The following SCLT1 variants were observed in gnomAD, a reference collection of about 807,000 sequenced individuals.
The protein encoded by SCLT1 is sodium channel and clathrin linker 1.
A neutral mutation model predicts 112.8 loss-of-function variants in SCLT1; 78 were observed. That is an observed-to-expected ratio of 0.69 (90% CI 0.58 to 0.83). SCLT1 has a LOEUF of 0.83. Among genes scored for constraint, SCLT1 ranks in the 40% least tolerant of loss-of-function variants. SCLT1 has a pLI of 0.00. For synonymous variants in SCLT1, 257 were observed against 254.7 expected (o/e 1.01, Z -0.09); for missense variants, 747 against 770.4 (o/e 0.97, Z 0.36).
At chr4:129,001,581 G>C (rs1207194847) in intron 6 of SCLT1, among the ~76,000 whole-genome samples, 1 of 151,760 alleles carries the variant, frequency 6.6e-6, no homozygotes, top group Non-Finnish European at 1.5e-5. Flanking sequence ...AATCTATGTG[G>C]TGTCATCATC....
chr4:128,998,594 A>G (rs777339124), intron 7 of SCLT1, among the ~76,000 whole-genome samples: 2 of 151,870 alleles, frequency 1.3e-5, no homozygotes, highest in Non-Finnish European at 3.0e-5. Context: ...GGTGAAAACA[A>G]AACAAAAACC....
intron 5 of SCLT1, among the ~76,000 whole-genome samples, chr4:129,015,759 A>G (rs1268777545): frequency 2.0e-5 from 3 of 151,848 alleles, no homozygotes; most frequent in African/African-American, 7.3e-5. Flanking sequence ...CAACTCACCC[A>G]TTCCCCCGGA....
At chr4:129,092,628 A>G (rs1355260483) in intron 1 of SCLT1, among the ~76,000 whole-genome samples, 1 of 152,176 alleles carries the variant, frequency 6.6e-6, no homozygotes, top group Non-Finnish European at 1.5e-5. Flanking sequence ...TCCCTCCCCA[A>G]ATTAAATTCT....
At chr4:129,086,602 A>ATTG (rs1752416469) in intron 1 of SCLT1, among the ~76,000 whole-genome samples, 19 of 152,264 alleles carry the variant, frequency 1.2e-4, no homozygotes, top group Admixed American at 1.0e-3. Context: ...ATTTGGTATG[A>ATTG]GAACTGTAAA....
At chr4:128,944,121 T>C (rs1737942843) in intron 16 of SCLT1, among the ~76,000 whole-genome samples, 1 of 152,132 alleles carries the variant, frequency 6.6e-6, no homozygotes, top group African/African-American at 2.4e-5. Context: ...TCTCTACCTC[T>C]GCCTTTCTAG....
chr4:129,037,186 C>T (rs1747256947), intron 5 of SCLT1: 2 of 151,808 alleles, frequency 1.3e-5, no homozygotes, highest in African/African-American at 4.8e-5. Context: ...TTCTGTTCAT[C>T]AAACACACCA....
At chr4:128,954,129 T>C (rs957476794) in intron 13 of SCLT1, among the ~76,000 whole-genome samples, 3 of 152,066 alleles carry the variant, frequency 2.0e-5, no homozygotes, top group African/African-American at 7.2e-5. Context: ...GCCAATAGTA[T>C]ATCATCAGTA....
chr4:129,091,085 G>C (rs937230494), intron 1 of SCLT1, among the ~76,000 whole-genome samples: 1 of 152,152 alleles, frequency 6.6e-6, no homozygotes, highest in African/African-American at 2.4e-5. Flanking sequence ...CAGGTGGAAA[G>C]AAGGCAAGTG....
intron 5 of SCLT1, chr4:129,037,494 C>A (rs954431592): frequency 6.6e-6 from 1 of 152,106 alleles, no homozygotes; most frequent in Non-Finnish European, 1.5e-5. Context: ...TAGTCAATAT[C>A]CTATGACCCT....
chr4:129,080,386 A>C (rs1488326644), intron 2 of SCLT1, among the ~76,000 whole-genome samples: 1 of 152,222 alleles, frequency 6.6e-6, no homozygotes, highest in African/African-American at 2.4e-5. Context: ...GCCAGGCTAC[A>C]TCTTGAGTGC....
In SCLT1 at chr4:128,999,722, C is replaced by T. The variant is rs751372820; in HGVS notation, c.499G>A (p.Glu167Lys). ...TGAATCTGGGCCTCAGTCATATGTT[C>T]CTGGTAAAGCTTGTGTAGTCTGTCC... ...ELDRLHKLYQEHMTEAQIHVF... is the reference protein window; with the variant it reads ...ELDRLHKLYQKHMTEAQIHVF... The change falls in exon 7 of 21, where the codon GAA becomes AAA. Residue 167 changes from glutamate to lysine, a missense_variant. This residue lies in a region of SCLT1 where 723 missense variants were observed against 721.3 expected (regional missense o/e 1.00). Transcript: ENST00000281142. The T allele has an allele frequency of 4.4e-6, 7 of 1,607,562 alleles. No individual in the cohort carries two copies. The East Asian group carries it at 1.6e-4, about 36-fold the overall frequency.
At chr4:129,035,506 T>C (rs1747101343) in intron 5 of SCLT1, among the ~76,000 whole-genome samples, 1 of 151,964 alleles carries the variant, frequency 6.6e-6, no homozygotes, top group African/African-American at 2.4e-5. Flanking sequence ...ACATTGCCAC[T>C]GGAACAAAAT....
chr4:129,059,968 G>C (rs1490683314), intron 2 of SCLT1, among the ~76,000 whole-genome samples: 2 of 152,024 alleles, frequency 1.3e-5, no homozygotes, highest in East Asian at 3.9e-4. Context: ...TCTCCTTCTG[G>C]AAAGCCCATA....
chr4:128,970,354 A>C (rs1294093252), intron 10 of SCLT1, 24 bp downstream of exon 10: 1 of 1,303,250 alleles, frequency 7.7e-7, no homozygotes, highest in South Asian at 1.2e-5. Context: ...ATAGGTACCC[A>C]TTTGTCTTAG....
chr4:128,949,202 T>A (rs1738471220), intron 14 of SCLT1, among the ~76,000 whole-genome samples: 1 of 150,398 alleles, frequency 6.6e-6, no homozygotes. Context: ...GGAGAATGGG[T>A]AATGTGTATG....
chr4:128,961,906 T>C lies in SCLT1; in HGVS notation c.870-2129A>G, dbSNP rs1296060419. Reference sequence around the variant, plus strand: ...ATTGTTATGATTTCTACTTTCCATTTGGCTACATGGTGGAAATAGTTTTAT... The same window carrying C: ...ATTGTTATGATTTCTACTTTCCATTCGGCTACATGGTGGAAATAGTTTTAT... On this transcript the variant is annotated intron_variant, in intron 11 of 20. Coordinates refer to ENST00000281142, the MANE Select transcript of SCLT1 (RefSeq NM_144643.4). Among the ~76,000 whole-genome samples the C allele has an allele frequency of 4.6e-5, 7 of 152,220 alleles. No individual in the cohort carries two copies. In the East Asian group the frequency reaches 1.2e-3, roughly 25 times the overall value.
intron 2 of SCLT1, 61 bp from the exon 3 acceptor site, chr4:129,044,112 G>T: frequency 1.2e-6 from 1 of 800,576 alleles, no homozygotes; most frequent in Non-Finnish European, 2.1e-6. Context: ...AATTGATAGT[G>T]ATATAATATT....
rs1169804212 is a variant in SCLT1, at chr4:129,079,804, G to C, written c.102+2502C>G. 3.3e-5 allele frequency among the ~76,000 whole-genome samples: 5 copies of C among 152,228 alleles called. No homozygotes were observed. The East Asian group carries it at 9.6e-4, about 29-fold the overall frequency. ...TGCCCTAGCAGAGGTTCTCCATGAGGGCTGCGCCCCTGCAGCAGGCTTCTG... is the reference window on the plus strand; with the variant it reads ...TGCCCTAGCAGAGGTTCTCCATGAGCGCTGCGCCCCTGCAGCAGGCTTCTG... On this transcript the variant is annotated intron_variant, in intron 2 of 20. Coordinates refer to ENST00000281142, the MANE Select transcript of SCLT1 (RefSeq NM_144643.4).
intron 1 of SCLT1, among the ~76,000 whole-genome samples, chr4:129,085,655 C>T (rs1272166796): frequency 1.3e-5 from 2 of 152,154 alleles, no homozygotes; most frequent in African/African-American, 2.4e-5. Flanking sequence ...AAATGTGGTA[C>T]ATGTATACCA....
Sources: gnomAD v4.1 joint callset for allele counts (sites outside exome capture counted in the v4.1 genomes callset) on GRCh38, gnomAD v4.1.1 for gene constraint, gnomAD v4.1.1 regional missense constraint, MANE v1.5 for transcripts, NCBI Gene and HGNC (gene_info 2026-07-23, HGNC 2026-07-21) for gene names.